The following LARP1 variants were observed in gnomAD, a reference collection of about 807,000 sequenced individuals.
LARP1 encodes the protein La ribonucleoprotein 1, translational regulator, also known as la-related protein 1.
Under a neutral mutation model 122.7 loss-of-function variants are expected in LARP1, and 36 were observed. The observed-to-expected ratio is 0.29, with a 90% CI of 0.22 to 0.39. The LOEUF (loss-of-function observed/expected upper bound fraction) is 0.39. Ranked by LOEUF, LARP1 falls within the 10% of genes least tolerant of loss-of-function variation. LARP1 has a pLI of 1.00. For synonymous variants in LARP1, 539 were observed against 528.7 expected (o/e 1.02, Z -0.27); for missense variants, 1,040 against 1,403.6 (o/e 0.74, Z 4.14).
intron 1 of LARP1, among the ~76,000 whole-genome samples, chr5:154,783,328 TTGGTGG>T (rs1756608981): frequency 6.6e-6 from 1 of 152,162 alleles, no homozygotes; most frequent in South Asian, 2.1e-4. Flanking sequence ...CTGGGTGTGC[TTGGTGG>T]TAGTTTCCCT....
At chr5:154,811,876 GCT>G (rs375186750) in intron 18 of LARP1, among the ~76,000 whole-genome samples, 48 of 152,266 alleles carry the variant, frequency 3.2e-4, no homozygotes, top group African/African-American at 1.1e-3. Flanking sequence ...CCATCATAAT[GCT>G]CTTTCTCTCC....
chr5:154,758,358 T>G (rs1247827556), intron 1 of LARP1, among the ~76,000 whole-genome samples: 1 of 152,180 alleles, frequency 6.6e-6, no homozygotes, highest in Non-Finnish European at 1.5e-5. Flanking sequence ...CTGTTATTGT[T>G]TTTTGGAATC....
At chr5:154,748,088 GA>G in intron 1 of LARP1, among the ~76,000 whole-genome samples, 1 of 152,116 alleles carries the variant, frequency 6.6e-6, no homozygotes, top group East Asian at 1.9e-4. Context: ...GGCCTCAAGG[GA>G]TTCTCCTTCC....
In LARP1 at chr5:154,803,957, A is replaced by G. The variant is rs981000537; in HGVS notation, c.2439+212A>G. On this transcript the variant is annotated intron_variant, in intron 13 of 18. Coordinates refer to ENST00000518297, the MANE Select transcript of LARP1 (RefSeq NM_033551.3). This position sits in a 1 kb window ranked among gnomAD's most constrained non-coding sequence, Gnocchi z 4.4. ...GTGGTAACCCCATGTTGAAAGGCCTAAGGAGGATTGACCAGGTATGAGTCC... is the reference window on the plus strand; with the variant it reads ...GTGGTAACCCCATGTTGAAAGGCCTGAGGAGGATTGACCAGGTATGAGTCC... Among the ~76,000 whole-genome samples, 2 of 152,194 alleles carry G rather than the reference A, an allele frequency of 1.3e-5. No individual in the cohort carries two copies. The highest frequency in any genetic ancestry group is 4.8e-5 in the African/African-American group (2 of 41,448).
At chr5:154,745,051 C>T (rs1753117409) in intron 1 of LARP1, among the ~76,000 whole-genome samples, 1 of 152,030 alleles carries the variant, frequency 6.6e-6, no homozygotes, top group East Asian at 1.9e-4. Flanking sequence ...CTCAGCCTCC[C>T]GCATAGCTGG....
intron 16 of LARP1, among the ~76,000 whole-genome samples, 162 bp downstream of exon 16, chr5:154,808,765 G>T (rs1272410786): frequency 6.6e-6 from 1 of 152,136 alleles, no homozygotes. Context: ...TATTCACATG[G>T]TTCAAATTTC....
upstream of LARP1, among the ~76,000 whole-genome samples, chr5:154,709,451 T>C (rs974456734): frequency 8.5e-5 from 13 of 152,222 alleles, no homozygotes; most frequent in African/African-American, 3.1e-4. Flanking sequence ...GCTTGGAGAA[T>C]GTGAATCACG....
intron 1 of LARP1, among the ~76,000 whole-genome samples, chr5:154,758,132 A>G (rs1582307336): frequency 6.6e-6 from 1 of 151,650 alleles, no homozygotes; most frequent in South Asian, 2.1e-4. Flanking sequence ...TGGTGAACCT[A>G]CCTTGTGGGT....
intron 1 of LARP1, among the ~76,000 whole-genome samples, chr5:154,715,821 G>C (rs1755469793): frequency 6.6e-6 from 1 of 152,182 alleles, no homozygotes; most frequent in African/African-American, 2.4e-5. Flanking sequence ...AGTAGCTATA[G>C]TTATTGCGTA....
intron 1 of LARP1, among the ~76,000 whole-genome samples, chr5:154,764,243 G>A (rs1314004591): frequency 2.7e-5 from 4 of 150,942 alleles, no homozygotes; most frequent in African/African-American, 9.8e-5. Flanking sequence ...CTGGGAGGCA[G>A]AGGTTGCAGT....
chr5:154,722,827 C>T (rs1274851621), intron 1 of LARP1, among the ~76,000 whole-genome samples: 1 of 152,024 alleles, frequency 6.6e-6, no homozygotes, highest in Non-Finnish European at 1.5e-5. Flanking sequence ...ACTACAGGTG[C>T]GTACCACCAT....
chr5:154,753,892 A>G (rs1753640468), upstream of LARP1, among the ~76,000 whole-genome samples: 1 of 152,196 alleles, frequency 6.6e-6, no homozygotes, highest in African/African-American at 2.4e-5. Context: ...TCCTAGATCC[A>G]GCAGGTCGTG....
intron 1 of LARP1, among the ~76,000 whole-genome samples, chr5:154,690,792 C>T (rs537002836): frequency 6.6e-6 from 1 of 152,316 alleles, no homozygotes; most frequent in South Asian, 2.1e-4. Flanking sequence ...AACGGCCTGG[C>T]GGGACAGGGC....
chr5:154,765,390 C>T (rs971772879), intron 1 of LARP1, among the ~76,000 whole-genome samples: 2 of 152,122 alleles, frequency 1.3e-5, no homozygotes, highest in Non-Finnish European at 2.9e-5. Context: ...TAGTTCTCCC[C>T]ACTGCCCCCC....
intron 8 of LARP1, 66 bp from the exon 9 acceptor site, chr5:154,799,525 C>T: frequency 6.4e-7 from 1 of 1,566,004 alleles, no homozygotes. Context: ...CAGTTGTCTA[C>T]CATTTCCAAG....
chr5:154,687,458 T>A (rs370258222), intron 1 of LARP1, among the ~76,000 whole-genome samples: 1 of 152,228 alleles, frequency 6.6e-6, no homozygotes, highest in Non-Finnish European at 1.5e-5. Flanking sequence ...CTCGGCTCAC[T>A]GCAAGCTCCG....
rs1421056333 is a variant in LARP1, at chr5:154,811,608, A to G, written c.3049A>G (p.Lys1017Glu). The stretch of plus-strand genomic sequence containing the variant: ...CCCCAAACTGCAAGAATACCTCGGC[A>G]AATTCCGACGTCTTGAAGACTTCCG... ...IDPKLQEYLG[K>E]FRRLEDFRVD... The change falls in exon 18 of 19, where the codon AAA (lysine) becomes GAA (glutamate). Residue 1017 changes from lysine (K) to glutamate (E), a missense_variant. Around this residue, in one of 8 missense-constraint regions of LARP1, gnomAD observed 129 missense variants for 160.8 expected, o/e 0.80. Coordinates refer to ENST00000518297, the MANE Select transcript of LARP1 (RefSeq NM_033551.3). 3.1e-6 allele frequency: 5 copies of G among 1,614,106 alleles called. No homozygotes were observed. The African/African-American group carries it at 6.7e-5, about 22-fold the overall frequency.
intron 1 of LARP1, among the ~76,000 whole-genome samples, chr5:154,703,045 C>T (rs1251383014): frequency 2.9e-5 from 4 of 138,556 alleles, no homozygotes; most frequent in Middle Eastern, 4.6e-3. Flanking sequence ...CGCTTGAACC[C>T]GGGAGGTGGA....
At chr5:154,806,852 A>G (rs1233906185) in intron 15 of LARP1, among the ~76,000 whole-genome samples, 1 of 152,206 alleles carries the variant, frequency 6.6e-6, no homozygotes, top group Non-Finnish European at 1.5e-5. Context: ...AAAGAATACA[A>G]TGTAATAGCT....
Sources: gnomAD v4.1 joint callset for allele counts (sites outside exome capture counted in the v4.1 genomes callset) on GRCh38, gnomAD v4.1.1 for gene constraint, gnomAD v4.1.1 regional missense constraint, Gnocchi (gnomAD v3.1) non-coding constraint, MANE v1.5 for transcripts, NCBI Gene and HGNC (gene_info 2026-07-23, HGNC 2026-07-21) for gene names.